ESRRG: variants seen among roughly 807,000 people sequenced by gnomAD.
ESRRG encodes the protein estrogen-related receptor gamma.
A neutral mutation model predicts 44.0 loss-of-function variants in ESRRG; 13 were observed. That is an observed-to-expected ratio of 0.30 (90% confidence interval 0.19 to 0.47). The LOEUF is 0.47. Ranked by LOEUF, ESRRG falls within the 20% of genes least tolerant of loss-of-function variation. The probability of loss-of-function intolerance (pLI) is 1.00; values close to 1 mark genes in which losing one functional copy is unlikely to be tolerated. For synonymous variants in ESRRG, 215 were observed against 214.6 expected (o/e 1.00, Z -0.02); for missense variants, 395 against 580.6 (o/e 0.68, Z 3.29).
intron 6 of ESRRG, among the ~76,000 whole-genome samples, chr1:216,515,805 A>G (rs2044087758): frequency 6.6e-6 from 1 of 152,136 alleles, no homozygotes. Flanking sequence ...GAATTGTCAG[A>G]CTAAAGTGAT....
At chr1:216,670,927 G>A (rs998107037) in intron 2 of ESRRG, among the ~76,000 whole-genome samples, 35 of 152,134 alleles carry the variant, frequency 2.3e-4, no homozygotes, top group African/African-American at 8.0e-4. Context: ...AGTCTCCCAG[G>A]CTATTATGAA....
chr1:216,752,041 G>T (rs2813697), intron 2 of ESRRG, among the ~76,000 whole-genome samples: 136,086 of 152,102 alleles, frequency 0.89, 62,778 homozygotes, highest in Non-Finnish European at 1. Context: ...ACTTCAAGGC[G>T]TCCTTAGCCA....
At chr1:216,707,868 CA>C in intron 1 of ESRRG, among the ~76,000 whole-genome samples, 1 of 152,266 alleles carries the variant, frequency 6.6e-6, no homozygotes, top group African/African-American at 2.4e-5. Context: ...ATATGGAATA[CA>C]CTTCAAAATC....
At chr1:216,864,460 G>A (rs2096113035) in intron 2 of ESRRG, 2 of 151,950 alleles carry the variant, frequency 1.3e-5, no homozygotes, top group Non-Finnish European at 2.9e-5. Flanking sequence ...GCTATTGGAT[G>A]AGGGTTACAT....
chr1:216,798,833 C>T (rs566871433), intron 2 of ESRRG, among the ~76,000 whole-genome samples: 1 of 152,232 alleles, frequency 6.6e-6, no homozygotes, highest in East Asian at 1.9e-4. Flanking sequence ...ACCTATGGAG[C>T]TGTTGTGGAG....
chr1:217,024,555 G>A (rs1254267005), intron 1 of ESRRG, among the ~76,000 whole-genome samples: 1 of 151,958 alleles, frequency 6.6e-6, no homozygotes, highest in Non-Finnish European at 1.5e-5. Context: ...GGAGACATGA[G>A]CATCATTCAA....
chr1:216,548,019 G>T lies in ESRRG; in HGVS notation c.862+16200C>A, dbSNP rs115708970. Among the ~76,000 whole-genome samples the T allele has an allele frequency of 8.0e-3, 1,222 of 152,136 alleles. 17 individuals carry two copies. Among genetic ancestry groups the T allele is most frequent in the African/African-American group, 0.027 (1,140 of 41,518 alleles). On this transcript the variant is annotated intron_variant, in intron 5 of 6. Transcript: ENST00000408911. ...CTATATATGGGGTTCCTTGAGCTACGTGGGTTGGCTAGCAAAACAATCACC... is the reference window on the plus strand; with the variant it reads ...CTATATATGGGGTTCCTTGAGCTACTTGGGTTGGCTAGCAAAACAATCACC...
intron 1 of ESRRG, among the ~76,000 whole-genome samples, chr1:217,059,048 A>C (rs1466610441): frequency 1.3e-5 from 2 of 148,792 alleles, no homozygotes; most frequent in Non-Finnish European, 3.0e-5. Context: ...TTATAGAATA[A>C]CTATAGTATA....
intron 1 of ESRRG, among the ~76,000 whole-genome samples, chr1:216,953,000 T>C (rs556512277): frequency 1.3e-5 from 2 of 152,278 alleles, no homozygotes; most frequent in East Asian, 1.9e-4. Context: ...CATATGTATA[T>C]GTATGTGGGA....
At chr1:217,134,045 GT>G in intron 1 of ESRRG, among the ~76,000 whole-genome samples, 1 of 152,272 alleles carries the variant, frequency 6.6e-6, no homozygotes, top group Admixed American at 6.5e-5. Context: ...TTGGAAAGCG[GT>G]TTTGGGAGGG....
At chr1:217,053,328 G>A (rs2086439702) in intron 1 of ESRRG, among the ~76,000 whole-genome samples, 1 of 151,802 alleles carries the variant, frequency 6.6e-6, no homozygotes, top group African/African-American at 2.4e-5. Flanking sequence ...AGTAGTAGGT[G>A]CCTGTAATCC....
In ESRRG at chr1:216,763,934, C is replaced by T. The variant is rs192247942; in HGVS notation, c.-13-86443G>A. Among the ~76,000 whole-genome samples the T allele has an allele frequency of 2.3e-3, 344 of 152,234 alleles. 2 individuals carry two copies. Among genetic ancestry groups the T allele is most frequent in the African/African-American group, 8.0e-3 (333 of 41,550 alleles). On this transcript the variant is annotated intron_variant, in intron 2 of 7. Transcript: ENST00000359162. ...CACCGAGTAGGTATTCAATGTGTTA[C>T]AGTCTTGAAGAGAAGACTAATCTGG...
intron 1 of ESRRG, among the ~76,000 whole-genome samples, chr1:216,713,156 A>T (rs2083995086): frequency 6.6e-6 from 1 of 152,190 alleles, no homozygotes; most frequent in Non-Finnish European, 1.5e-5. Flanking sequence ...CACTTATCAA[A>T]TCTGAATACG....
In ESRRG at chr1:216,534,739, G is replaced by T. The variant is rs567078426; in HGVS notation, c.863-15318C>A. Among the ~76,000 whole-genome samples, 5 of 152,194 alleles carry T rather than the reference G, an allele frequency of 3.3e-5. No individual in the cohort carries two copies. The East Asian group carries it at 9.7e-4, about 30-fold the overall frequency. ...TTGTTTTACACATAAATGTAAAAAG[G>T]TCATCTAGGAGGTTCGTTTGACAAC... On this transcript the variant is annotated intron_variant, in intron 5 of 6. Coordinates refer to ENST00000408911, the MANE Select transcript of ESRRG (RefSeq NM_001438.4).
intron 1 of ESRRG, among the ~76,000 whole-genome samples, chr1:217,030,236 A>C: frequency 6.7e-6 from 1 of 148,604 alleles, no homozygotes; most frequent in African/African-American, 2.5e-5. Flanking sequence ...CTGTCCCTTC[A>C]CTCTTCTCTG....
At chr1:217,004,279 A>T (rs910458989) in intron 1 of ESRRG, among the ~76,000 whole-genome samples, 2 of 152,172 alleles carry the variant, frequency 1.3e-5, no homozygotes, top group Non-Finnish European at 2.9e-5. Context: ...TCTCACCTTG[A>T]ATTGTAATAA....
intron 2 of ESRRG, among the ~76,000 whole-genome samples, chr1:216,844,990 C>A (rs1269173588): frequency 1.3e-5 from 2 of 152,102 alleles, no homozygotes; most frequent in African/African-American, 2.4e-5. Flanking sequence ...GTCTCAGATC[C>A]AATATTTTCT....
Position 217,103,151 on chromosome 1 carries a change from C to T in ESRRG, c.-230+34516G>A, listed in dbSNP as rs78361004. On this transcript the variant is annotated intron_variant, in intron 1 of 8. Transcript: ENST00000366940. ...GTTTATAGAAAGCACAGAGTTTTTA[C>T]ATGTTTATTCTGTTCATTTGAGCTT... Among the ~76,000 whole-genome samples, 1,312 of 146,362 alleles carry T rather than the reference C, an allele frequency of 9.0e-3. 20 individuals are homozygous for T. Among genetic ancestry groups the T allele is most frequent in the African/African-American group, 0.035 (1,246 of 35,998 alleles).
At chr1:216,692,071 T>A (rs1187297336) in intron 1 of ESRRG, among the ~76,000 whole-genome samples, 1 of 152,142 alleles carries the variant, frequency 6.6e-6, no homozygotes. Flanking sequence ...TTTACTATAC[T>A]TTTTAATCAT....
Sources: allele counts gnomAD v4.1 joint callset (sites outside exome capture counted in the v4.1 genomes callset), GRCh38; gene constraint gnomAD v4.1.1; transcripts MANE v1.5; gene names NCBI Gene and HGNC (gene_info 2026-07-23, HGNC 2026-07-21).